The following TKT variants were observed in gnomAD, a reference collection of about 807,000 sequenced individuals.
TKT encodes the protein transketolase.
In TKT, 47 loss-of-function variants were observed where a neutral mutation model predicts 63.9. That is an observed-to-expected ratio of 0.74 (90% confidence interval 0.58 to 0.94). The LOEUF (loss-of-function observed/expected upper bound fraction) is 0.94. Ranked by LOEUF, TKT falls within the 40% of genes least tolerant of loss-of-function variation. The probability of loss-of-function intolerance (pLI) is 0.00; values close to 1 mark genes in which losing one functional copy is unlikely to be tolerated. For missense variants in TKT, 721 were observed against 846.2 expected (o/e 0.85, Z 1.84); for synonymous variants, 338 against 334.1 (o/e 1.01, Z -0.13).
chr3:53,241,839 CA>C, intron 2 of TKT: 1 of 415,660 alleles, frequency 2.4e-6, no homozygotes, highest in South Asian at 2.3e-5. Context: ...GGGCAGAACA[CA>C]CAACAGATGT....
chr3:53,232,958 G>A (rs1003121238), intron 6 of TKT, 198 bp downstream of exon 6: 7 of 572,346 alleles, frequency 1.2e-5, no homozygotes, highest in Non-Finnish European at 2.2e-5. Flanking sequence ...CACCGGCAGA[G>A]GCCAGACGGA....
chr3:53,235,166 A>C lies in TKT; in HGVS notation c.446T>G (p.Val149Gly). Residue 149 changes from valine to glycine, a missense_variant, in exon 5 of 14, where the codon GTC becomes GGC. By Grantham distance (109) the Val-to-Gly change is moderately radical. Coordinates refer to ENST00000462138, the MANE Select transcript of TKT (RefSeq NM_001064.4). ...GKYFDKASYR[V>G]YCLLGDGELS... ...CTCCCCGTCTCCCAGCAAGCAATAG[A>C]CTCGGTAGCTGTGGACAGAGAGTGA... 7 of 1,610,648 alleles carry C rather than the reference A, an allele frequency of 4.3e-6. No homozygotes were observed. Among genetic ancestry groups the C allele is most frequent in the East Asian group, 2.2e-5 (1 of 44,818 alleles).
At chr3:53,231,706 G>T in intron 6 of TKT, 156 bp from the exon 7 acceptor site, 1 of 712,984 alleles carries the variant, frequency 1.4e-6, no homozygotes, top group Admixed American at 2.9e-5. Context: ...ACGGGGGCCA[G>T]GAAAGGAGGG....
intron 1 of TKT, among the ~76,000 whole-genome samples, chr3:53,251,833 TA>T (rs1363895958): frequency 6.7e-6 from 1 of 150,282 alleles, no homozygotes. Flanking sequence ...GACCCTGTCT[TA>T]AAAAAAAAGA....
intron 4 of TKT, among the ~76,000 whole-genome samples, chr3:53,236,920 G>T (rs10049441): frequency 0.1 from 15,379 of 152,254 alleles, 2,599 homozygotes; most frequent in African/African-American, 0.35. Context: ...AGTTAGGGGT[G>T]GGGGGCTGCA....
chr3:53,240,679 T>G (rs1705234897), intron 3 of TKT, among the ~76,000 whole-genome samples: 1 of 152,214 alleles, frequency 6.6e-6, no homozygotes, highest in Non-Finnish European at 1.5e-5. Context: ...TTGCCCCTCG[T>G]GGGGACCCAG....
chr3:53,229,283 T>C lies in TKT; in HGVS notation c.1261A>G (p.Ile421Val). 1 of 1,613,796 alleles carries C rather than the reference T, an allele frequency of 6.2e-7. No homozygotes were observed. Among genetic ancestry groups the C allele is most frequent in the Middle Eastern group, 1.7e-4 (1 of 6,060 alleles). Residue 421 changes from isoleucine (I) to valine (V), a missense_variant, in exon 9 of 14, where the codon ATC becomes GTC. Ile to Val is a conservative substitution (Grantham distance 29, BLOSUM62 3). Coordinates refer to ENST00000462138, the MANE Select transcript of TKT (RefSeq NM_001064.4). ...TAAACACCCTGGCTAAACTCACCGA[T>C]GGAAACGCCGCAGTGGGAGCCGCAG... is the stretch of plus-strand genomic sequence containing the variant. ...NLCGSHCGVS[I>V]GEDGPSQMAL...
At chr3:53,239,592 C>T (rs1272780651) in intron 4 of TKT, among the ~76,000 whole-genome samples, 3 of 152,158 alleles carry the variant, frequency 2.0e-5, no homozygotes, top group East Asian at 1.9e-4. Flanking sequence ...ACAACCTCAT[C>T]CCCCCAGGCC....
At chr3:53,232,830 A>C in intron 6 of TKT, 1 of 412,918 alleles carries the variant, frequency 2.4e-6, no homozygotes, top group Non-Finnish European at 4.3e-6. Flanking sequence ...GAGCACACAC[A>C]GCTGCAGCTC....
At position 53,225,794 on chromosome 3, in the gene TKT, T is replaced by A; in HGVS notation, c.1834A>T (p.Ile612Phe). Reference protein sequence around the residue: ...LKMFGIDRDAIAQAVRGLITK... With the variant: ...LKMFGIDRDAFAQAVRGLITK... ...ATGAGGCCCCTCACAGCTTGTGCAA[T>A]GGCATCCCTGTCGATACCAAACATC... Residue 612 changes from isoleucine to phenylalanine, a missense_variant, in exon 14 of 14, where the codon ATT becomes TTT. Coordinates refer to ENST00000462138, the MANE Select transcript of TKT (RefSeq NM_001064.4). 6.2e-7 allele frequency: 1 copy of A among 1,614,034 alleles called. No individual in the cohort carries two copies. The highest frequency in any genetic ancestry group is 2.2e-5 in the East Asian group (1 of 44,876).
chr3:53,242,646 G>T (rs1553680160), intron 1 of TKT, among the ~76,000 whole-genome samples: 1 of 152,168 alleles, frequency 6.6e-6, no homozygotes, highest in African/African-American at 2.4e-5. Flanking sequence ...CCACCTAGTG[G>T]CCCCCAGGAG....
intron 1 of TKT, among the ~76,000 whole-genome samples, chr3:53,244,352 A>G (rs1356742629): frequency 6.6e-6 from 1 of 152,184 alleles, no homozygotes; most frequent in Non-Finnish European, 1.5e-5. Context: ...CGTGACTTCA[A>G]CAAGTGCTTC....
intron 4 of TKT, among the ~76,000 whole-genome samples, chr3:53,237,493 T>TACACACAC (rs1491469313): frequency 1.1e-5 from 1 of 93,742 alleles, no homozygotes; most frequent in Non-Finnish European, 2.0e-5. Flanking sequence ...GATTTTATAT[T>TACACACAC]ATACACACAC....
intron 1 of TKT, among the ~76,000 whole-genome samples, chr3:53,246,724 G>A (rs1705521697): frequency 6.6e-6 from 1 of 151,872 alleles, no homozygotes; most frequent in African/African-American, 2.4e-5. Context: ...TGTGGCACAT[G>A]CCTGTAATCC....
At chr3:53,235,937 T>TC (rs200263226) in intron 4 of TKT, among the ~76,000 whole-genome samples, 1,461 of 35,662 alleles carry the variant, frequency 0.041, 9 homozygotes, top group South Asian at 0.15. Flanking sequence ...AACAGAACGT[T>TC]CCCGGCCTGG....
At chr3:53,228,930 C>G in intron 10 of TKT, 77 bp downstream of exon 10, 1 of 1,574,976 alleles carries the variant, frequency 6.3e-7, no homozygotes, top group East Asian at 2.2e-5. Flanking sequence ...CAGCAAGTGA[C>G]CAGCTCTGGC....
At chr3:53,244,586 A>G (rs1221701101) in intron 1 of TKT, among the ~76,000 whole-genome samples, 1 of 152,172 alleles carries the variant, frequency 6.6e-6, no homozygotes, top group African/African-American at 2.4e-5. Context: ...CGGGCTCTGC[A>G]CACTGTAAAG....
At chr3:53,227,795 G>C (rs1474367804) in intron 12 of TKT, 13 of 408,248 alleles carry the variant, frequency 3.2e-5, no homozygotes, top group Non-Finnish European at 4.9e-5. Flanking sequence ...CCACTGATCT[G>C]GCCACCATGC....
intron 1 of TKT, among the ~76,000 whole-genome samples, chr3:53,245,896 C>A (rs1705483194): frequency 6.6e-6 from 1 of 152,218 alleles, no homozygotes. Flanking sequence ...GCCGAAGATG[C>A]ACATCCCTTA....
Sources: gnomAD v4.1 joint callset for allele counts (sites outside exome capture counted in the v4.1 genomes callset) on GRCh38, gnomAD v4.1.1 for gene constraint, MANE v1.5 for transcripts, NCBI Gene and HGNC (gene_info 2026-07-23, HGNC 2026-07-21) for gene names.